The following RIC3 variants were observed in gnomAD, a reference collection of about 807,000 sequenced individuals.
RIC3 encodes protein RIC-3.
RIC3 carries 28 observed loss-of-function variants against 27.3 expected under a neutral mutation model. That is an observed-to-expected ratio of 1.02 (90% CI 0.76 to 1.41). The LOEUF (loss-of-function observed/expected upper bound fraction) is 1.41. RIC3 is among the 40% of genes most tolerant of loss of function. The pLI is 0.00. For missense variants in RIC3, 501 were observed against 444.7 expected (o/e 1.13, Z -1.14); for synonymous variants, 184 against 160.4 (o/e 1.15, Z -1.11).
At chr11:8,126,921 A>G (rs775828931) in intron 4 of RIC3, 114 bp from the exon 5 acceptor site, 31 of 1,226,644 alleles carry the variant, frequency 2.5e-5, no homozygotes, top group Non-Finnish European at 1.2e-6. Flanking sequence ...TGCAGCAGAT[A>G]ATTATTCTAG....
chr11:8,134,209 T>C (rs943186420), intron 4 of RIC3, among the ~76,000 whole-genome samples: 1 of 152,166 alleles, frequency 6.6e-6, no homozygotes, highest in Non-Finnish European at 1.5e-5. Context: ...AGTGTTCTCA[T>C]TGTTCAATTC....
the RIC3 span, chr11:8,096,890 C>T: frequency 1.0e-4 from 154 of 1,500,318 alleles, no homozygotes; most frequent in Admixed American, 4.0e-4. Flanking sequence ...GAGATGGACT[C>T]GTATGCCTTT....
At chr11:8,096,381 G>A in the RIC3 span, among the ~76,000 whole-genome samples, 1 of 152,214 alleles carries the variant, frequency 6.6e-6, no homozygotes, top group Non-Finnish European at 1.5e-5. Flanking sequence ...GTGGTAGGGT[G>A]GCTGCTAGGT....
intron 4 of RIC3, among the ~76,000 whole-genome samples, chr11:8,128,649 G>C (rs553534650): frequency 6.6e-6 from 1 of 151,032 alleles, no homozygotes; most frequent in Non-Finnish European, 1.5e-5. Context: ...CAATAATTAC[G>C]TGTTAGTTTG....
At position 8,139,636 on chromosome 11, in the gene RIC3, A is replaced by ATTT. The variant is rs72265360; in HGVS notation, c.351+328_351+330dup. Reference sequence around the variant, plus strand: ...TCCTTTTCGGCCTGTAAAGATGTTAATTTTTTTTTTTTTTTTTTTTTTTTT... The same window carrying ATTT: ...TCCTTTTCGGCCTGTAAAGATGTTAATTTTTTTTTTTTTTTTTTTTTTTTTTTT... On this transcript the variant is annotated intron_variant, in intron 2 of 5. Coordinates refer to ENST00000309737, the MANE Select transcript of RIC3 (RefSeq NM_001206671.4). The ATTT allele has an allele frequency of 3.7e-3, 346 of 92,640 alleles. 8 individuals are homozygous for ATTT. Among genetic ancestry groups the ATTT allele is most frequent in the East Asian group, 6.8e-3 (20 of 2,932 alleles). 5.7% of individuals were successfully genotyped at this position (92,640 alleles called of 1,614,324 possible).
At chr11:8,101,195 G>A (rs915030846), downstream of RIC3, among the ~76,000 whole-genome samples, 1 of 152,190 alleles carries the variant, frequency 6.6e-6, no homozygotes, top group Non-Finnish European at 1.5e-5. Flanking sequence ...CCTGGTCCTA[G>A]ATTCTGTGTA....
chr11:8,139,785 A>G lies in RIC3; in HGVS notation c.351+182T>C, dbSNP rs184677846. The G allele has an allele frequency of 1.6e-3, 980 of 617,844 alleles. 8 individuals carry two copies. In the African/African-American group the frequency reaches 0.017, roughly 10 times the overall value. The allele number at this position is 617,844 out of a possible 1,614,324, so 38.3% of individuals were successfully genotyped here. A position where few individuals can be genotyped will look rare whatever the true frequency, so the allele number is the denominator to read the frequency against. ...CAAAACACTTAAACATTGAGTAAACATTTCTTATGTGAAACTGAAATAATG... is the reference window on the plus strand; with the variant it reads ...CAAAACACTTAAACATTGAGTAAACGTTTCTTATGTGAAACTGAAATAATG... On this transcript the variant is annotated intron_variant, in intron 2 of 5. Transcript: ENST00000309737.
At chr11:8,112,271 T>TTTCTC (rs2134049509) in intron 5 of RIC3, among the ~76,000 whole-genome samples, 1 of 117,750 alleles carries the variant, frequency 8.5e-6, no homozygotes, top group South Asian at 2.6e-4. Context: ...ACACATATAT[T>TTTCTC]TTCTTTTCTT....
intron 1 of RIC3, among the ~76,000 whole-genome samples, chr11:8,146,191 C>T (rs1318046259): frequency 3.9e-5 from 6 of 152,146 alleles, no homozygotes; most frequent in Non-Finnish European, 7.4e-5. Context: ...GGAGTGAATA[C>T]TAATATGGAA....
At chr11:8,167,640 T>TAAAA (rs34530108) in intron 1 of RIC3, among the ~76,000 whole-genome samples, 9 of 134,130 alleles carry the variant, frequency 6.7e-5, no homozygotes, top group Admixed American at 4.5e-4. Flanking sequence ...TAATGGAAAG[T>TAAAA]AAAAAAAAAA....
chr11:8,110,534 G>A lies in RIC3; in HGVS notation c.*164C>T. 1 of 716,422 alleles carries A rather than the reference G, an allele frequency of 1.4e-6. No homozygotes were observed. The highest frequency in any genetic ancestry group is 2.5e-6 in the Non-Finnish European group (1 of 398,938). The allele number at this position is 716,422 out of a possible 1,614,324, so 44.4% of individuals were successfully genotyped here. ...ATGTCCGTGTTTTACAAGGTGACAGGTGTGTGAGCACCAGGAAGGATACAT... is the reference window on the plus strand; with the variant it reads ...ATGTCCGTGTTTTACAAGGTGACAGATGTGTGAGCACCAGGAAGGATACAT... On this transcript the variant is annotated 3_prime_UTR_variant, in exon 6 of 6. Coordinates refer to ENST00000309737, the MANE Select transcript of RIC3 (RefSeq NM_001206671.4).
At chr11:8,161,894 G>GCAACCA (rs1565133276) in intron 1 of RIC3, among the ~76,000 whole-genome samples, 1 of 148,572 alleles carries the variant, frequency 6.7e-6, no homozygotes, top group African/African-American at 2.5e-5. Context: ...CGAAACTGTT[G>GCAACCA]CTATAAATGA....
In RIC3 at chr11:8,110,635, G is replaced by C; in HGVS notation, c.*63C>G. The C allele has an allele frequency of 6.9e-7, 1 of 1,451,654 alleles. No homozygotes were observed. The highest frequency in any genetic ancestry group is 1.1e-5 in the South Asian group (1 of 87,816). 89.9% of individuals were successfully genotyped at this position (1,451,654 alleles called of 1,614,324 possible). Reference sequence around the variant, plus strand: ...AAGTGCAGGGCACAGGGCCAAGAAGGAAATCTGAGGAGAGAGAGGTCACCT... The same window carrying C: ...AAGTGCAGGGCACAGGGCCAAGAAGCAAATCTGAGGAGAGAGAGGTCACCT... On this transcript the variant is annotated 3_prime_UTR_variant, in exon 6 of 6. Transcript: ENST00000309737.
At chr11:8,095,906 T>G in the RIC3 span, among the ~76,000 whole-genome samples, 1 of 152,194 alleles carries the variant, frequency 6.6e-6, no homozygotes, top group Non-Finnish European at 1.5e-5. Flanking sequence ...AAAGCTCCTT[T>G]TGCAAGAAGT....
chr11:8,100,730 G>T, the RIC3 span: 1 of 1,570,132 alleles, frequency 6.4e-7, no homozygotes. Context: ...GAGGTCTAGG[G>T]AAATCCAAGG....
chr11:8,096,847 C>T, the RIC3 span: 3 of 1,607,852 alleles, frequency 1.9e-6, no homozygotes, highest in African/African-American at 1.3e-5. Context: ...TTTTGGAGGA[C>T]TGCTCATCCG....
At chr11:8,098,748 T>C in the RIC3 span, 7 of 1,607,828 alleles carry the variant, frequency 4.4e-6, no homozygotes, top group Non-Finnish European at 6.0e-6. Context: ...TGATTGTGCC[T>C]TTATTTCAGG....
chr11:8,093,686 C>T, the RIC3 span, among the ~76,000 whole-genome samples: 28,015 of 152,150 alleles, frequency 0.18, 4,030 homozygotes, highest in African/African-American at 0.39. Context: ...CTTTCTTCCC[C>T]GTCTTCAATG....
At chr11:8,100,681 A>ATG in the RIC3 span, 3 of 1,503,128 alleles carry the variant, frequency 2.0e-6, no homozygotes, top group African/African-American at 4.7e-5. Context: ...ACTCCAGCTG[A>ATG]TGTGTGTATG....
Sources: allele counts gnomAD v4.1 joint callset (sites outside exome capture counted in the v4.1 genomes callset), GRCh38; gene constraint gnomAD v4.1.1; transcripts MANE v1.5; gene names NCBI Gene and HGNC (gene_info 2026-07-23, HGNC 2026-07-21).